The following FARS2 variants were observed in gnomAD, a reference collection of about 807,000 sequenced individuals.
The protein encoded by FARS2 is phenylalanine--tRNA ligase, mitochondrial.
In FARS2, 40 loss-of-function variants were observed where a neutral mutation model predicts 46.4. That is an observed-to-expected ratio of 0.86 (90% CI 0.67 to 1.12). FARS2 has a LOEUF of 1.12. FARS2 is among the 50% of genes most tolerant of loss of function. The probability of loss-of-function intolerance (pLI) is 0.00; values close to 1 mark genes in which losing one functional copy is unlikely to be tolerated. For synonymous variants in FARS2, 234 were observed against 214.9 expected (o/e 1.09, Z -0.78); for missense variants, 513 against 567.9 (o/e 0.90, Z 0.98).
intron 1 of FARS2, among the ~76,000 whole-genome samples, chr6:5,307,511 A>C (rs190731496): frequency 7.2e-5 from 11 of 152,310 alleles, no homozygotes; most frequent in South Asian, 4.1e-4. Context: ...ACACATGCAC[A>C]ATTTCCGTCG....
intron 6 of FARS2, among the ~76,000 whole-genome samples, chr6:5,688,863 T>C (rs1237918268): frequency 6.6e-6 from 1 of 152,220 alleles, no homozygotes; most frequent in Non-Finnish European, 1.5e-5. Context: ...CTATTAATTA[T>C]TGCCTCAATT....
At chr6:5,616,023 A>C (rs1366519852) in intron 6 of FARS2, among the ~76,000 whole-genome samples, 42 of 150,948 alleles carry the variant, frequency 2.8e-4, no homozygotes, top group Admixed American at 7.9e-4. Flanking sequence ...AAAAAAAAAA[A>C]AAAAAAAAAA....
At chr6:5,528,797 G>A (rs552102781) in intron 4 of FARS2, among the ~76,000 whole-genome samples, 1 of 152,326 alleles carries the variant, frequency 6.6e-6, no homozygotes, top group South Asian at 2.1e-4. Flanking sequence ...AGGTATGTAA[G>A]TCATGCACAC....
upstream of FARS2, chr6:5,260,992 C>CCCCGCCCCGAT: frequency 1.8e-6 from 2 of 1,105,910 alleles, no homozygotes; most frequent in Non-Finnish European, 2.2e-6. Context: ...GATGCCTCCG[C>CCCCGCCCCGAT]CCCGCCCCGA....
Position 5,673,190 on chromosome 6 carries a change from C to T in FARS2, c.1217+59870C>T, listed in dbSNP as rs377612951. Among the ~76,000 whole-genome samples, 24 of 152,334 alleles carry T rather than the reference C, an allele frequency of 1.6e-4. 1 individual carries two copies. In the South Asian group the frequency reaches 5.0e-3, roughly 32 times the overall value. On this transcript the variant is annotated intron_variant, in intron 6 of 6. Coordinates refer to ENST00000274680, the MANE Select transcript of FARS2 (RefSeq NM_006567.5). ...GAAGCACAAACCAATTAGAGAAGCA[C>T]TGTCTACTTCCCACGTTGATTATAA...
intron 1 of FARS2, among the ~76,000 whole-genome samples, chr6:5,295,470 C>T (rs1767789988): frequency 6.6e-6 from 1 of 151,914 alleles, no homozygotes; most frequent in Non-Finnish European, 1.5e-5. Context: ...CTGAACTCTC[C>T]TTTTGTGTGT....
chr6:5,327,915 G>A (rs547464207), intron 1 of FARS2, among the ~76,000 whole-genome samples: 106 of 152,282 alleles, frequency 7.0e-4, no homozygotes, highest in African/African-American at 2.5e-3. Context: ...TCCACTGGAC[G>A]TTGATATTGT....
At chr6:5,720,310 A>G (rs1268112944) in intron 6 of FARS2, among the ~76,000 whole-genome samples, 1 of 152,214 alleles carries the variant, frequency 6.6e-6, no homozygotes, top group Non-Finnish European at 1.5e-5. Flanking sequence ...GTCTTCATCT[A>G]AGTAGCGCTA....
chr6:5,300,658 T>G (rs912356963), intron 1 of FARS2, among the ~76,000 whole-genome samples: 1 of 151,866 alleles, frequency 6.6e-6, no homozygotes, highest in Admixed American at 6.6e-5. Flanking sequence ...ATCTGGTCAT[T>G]TCCTTTTTCT....
At chr6:5,448,469 C>A in intron 4 of FARS2, among the ~76,000 whole-genome samples, 1 of 77,228 alleles carries the variant, frequency 1.3e-5, no homozygotes. Flanking sequence ...CACATTTTTT[C>A]TGTTTTTTTT....
chr6:5,569,558 T>C (rs758615195), intron 5 of FARS2, among the ~76,000 whole-genome samples: 22 of 152,282 alleles, frequency 1.4e-4, no homozygotes, highest in South Asian at 2.1e-4. Context: ...AACAACTTCA[T>C]TGTGGTGGTG....
intron 4 of FARS2, among the ~76,000 whole-genome samples, chr6:5,525,916 C>G (rs74392391): frequency 6.6e-6 from 1 of 152,214 alleles, no homozygotes; most frequent in African/African-American, 2.4e-5. Context: ...ATAAATTTTA[C>G]GCTACTGAAG....
intron 1 of FARS2, among the ~76,000 whole-genome samples, chr6:5,266,750 C>T (rs1765574990): frequency 6.6e-6 from 1 of 152,152 alleles, no homozygotes; most frequent in East Asian, 1.9e-4. Flanking sequence ...ATTTGTAAAG[C>T]TAACCGGTTT....
the FARS2 span, among the ~76,000 whole-genome samples, chr6:5,253,254 T>A: frequency 6.6e-6 from 1 of 152,244 alleles, no homozygotes; most frequent in East Asian, 1.9e-4. Flanking sequence ...TTTCTTAAGC[T>A]ATAAGAGGGA....
chr6:5,508,897 A>G (rs1454363713), intron 4 of FARS2, among the ~76,000 whole-genome samples: 2 of 152,234 alleles, frequency 1.3e-5, no homozygotes, highest in Non-Finnish European at 2.9e-5. Flanking sequence ...GGAAGAAACG[A>G]CAGTATTTAG....
chr6:5,272,884 C>T (rs1481910046), intron 1 of FARS2, among the ~76,000 whole-genome samples: 16 of 152,092 alleles, frequency 1.1e-4, no homozygotes, highest in East Asian at 5.8e-4. Flanking sequence ...TTTTTAGCTC[C>T]GACATACGAG....
Position 5,771,376 on chromosome 6 carries a change from C to T in FARS2, c.1303C>T (p.Gln435Ter). ...CCAGAGAGAGGTCAGGCACATCCAC[C>T]AGGCCTTGCAGGAGGCTGCAGTCCA... is the stretch of plus-strand genomic sequence containing the variant. ...LSQREVRHIH[Q>*]ALQEAAVQLL... is the part of the protein sequence containing the mutation. The change falls in exon 7 of 7, where the codon CAG becomes TAG. Residue 435 changes from glutamine (Q) to a stop codon, truncating the protein, a stop_gained. Transcript: ENST00000274680. LOFTEE classifies it high-confidence loss of function. 1 of 1,614,248 alleles carries T rather than the reference C, an allele frequency of 6.2e-7. No homozygotes were observed. The highest frequency in any genetic ancestry group is 1.1e-5 in the South Asian group (1 of 91,084).
intron 6 of FARS2, among the ~76,000 whole-genome samples, chr6:5,715,622 A>G (rs1384737419): frequency 6.6e-6 from 1 of 152,192 alleles, no homozygotes; most frequent in African/African-American, 2.4e-5. Flanking sequence ...AATGATGTCA[A>G]GGTTCATTCA....
chr6:5,492,889 C>T (rs1767213228), intron 4 of FARS2, among the ~76,000 whole-genome samples: 1 of 152,246 alleles, frequency 6.6e-6, no homozygotes, highest in South Asian at 2.1e-4. Context: ...CCCTGCCACC[C>T]ACCACTTTAG....
Sources: allele counts gnomAD v4.1 joint callset (sites outside exome capture counted in the v4.1 genomes callset), GRCh38; gene constraint gnomAD v4.1.1; transcripts MANE v1.5; gene names NCBI Gene and HGNC (gene_info 2026-07-23, HGNC 2026-07-21).